Variants in FSHR observed in about 807,000 individuals in gnomAD.
The protein encoded by FSHR is follicle-stimulating hormone receptor.
In FSHR, 46 loss-of-function variants were observed where a neutral mutation model predicts 52.1. The observed-to-expected ratio is 0.88, with a 90% confidence interval of 0.70 to 1.13. FSHR has a LOEUF of 1.13. Among genes scored for constraint, FSHR ranks in the 50% most tolerant of loss-of-function variants. The probability of loss-of-function intolerance (pLI) is 0.00; values close to 1 mark genes in which losing one functional copy is unlikely to be tolerated. For synonymous variants in FSHR, 399 were observed against 309.6 expected (o/e 1.29, Z -3.03); for missense variants, 964 against 834.6 (o/e 1.16, Z -1.91).
chr2:49,051,378 T>A (rs1668849092), intron 2 of FSHR, among the ~76,000 whole-genome samples: 1 of 152,188 alleles, frequency 6.6e-6, no homozygotes, highest in African/African-American at 2.4e-5. Flanking sequence ...TTTTGGCCAT[T>A]TTAATGGGTA....
chr2:49,024,741 A>G (rs924102530), intron 2 of FSHR, among the ~76,000 whole-genome samples: 5 of 152,098 alleles, frequency 3.3e-5, no homozygotes, highest in Non-Finnish European at 7.3e-5. Context: ...TATCCAAAAT[A>G]TTTCTCCCTA....
chr2:49,063,675 T>A (rs1447809215), intron 2 of FSHR, among the ~76,000 whole-genome samples: 2 of 152,176 alleles, frequency 1.3e-5, no homozygotes, highest in East Asian at 3.9e-4. Context: ...GGGAAGTCTA[T>A]GTGGGAGAGA....
At chr2:49,084,457 C>T (rs189396157) in intron 1 of FSHR, among the ~76,000 whole-genome samples, 37,051 of 151,922 alleles carry the variant, frequency 0.24, 4,695 homozygotes, top group African/African-American at 0.3. Context: ...AGAGCAAACA[C>T]ATTCAAAAGC....
chr2:49,040,240 T>C (rs1047248817), intron 2 of FSHR, among the ~76,000 whole-genome samples: 1 of 152,194 alleles, frequency 6.6e-6, no homozygotes, highest in Non-Finnish European at 1.5e-5. Context: ...GTTTCAGAAG[T>C]GGCCATGGAG....
chr2:48,964,955 G>T (rs1674401848), intron 9 of FSHR, among the ~76,000 whole-genome samples: 1 of 150,812 alleles, frequency 6.6e-6, no homozygotes, highest in South Asian at 2.1e-4. Flanking sequence ...AAGGCTTGTG[G>T]AATGGGAATA....
At chr2:49,153,827 G>T (rs1673147451) in intron 1 of FSHR, among the ~76,000 whole-genome samples, 1 of 152,022 alleles carries the variant, frequency 6.6e-6, no homozygotes, top group African/African-American at 2.4e-5. Context: ...AAACGACAAA[G>T]ACTATGGCCT....
chr2:49,032,809 C>T (rs928055173), intron 2 of FSHR, among the ~76,000 whole-genome samples: 3 of 152,188 alleles, frequency 2.0e-5, no homozygotes, highest in African/African-American at 4.8e-5. Context: ...GTTATGGATC[C>T]TATCCCCAAT....
At chr2:49,031,181 G>T (rs1668087770) in intron 2 of FSHR, among the ~76,000 whole-genome samples, 1 of 152,112 alleles carries the variant, frequency 6.6e-6, no homozygotes. Flanking sequence ...GAGGATGGAG[G>T]GTACTGGCTC....
At chr2:49,018,524 C>A (rs1318221317) in intron 3 of FSHR, among the ~76,000 whole-genome samples, 1 of 152,178 alleles carries the variant, frequency 6.6e-6, no homozygotes, top group Non-Finnish European at 1.5e-5. Context: ...AGATGAAAGA[C>A]CCAAACCACT....
chr2:48,977,435 T>C (rs908177283), intron 8 of FSHR, among the ~76,000 whole-genome samples: 6 of 152,120 alleles, frequency 3.9e-5, no homozygotes, highest in African/African-American at 1.4e-4. Context: ...TGGTGGGTGT[T>C]CAATAAATAG....
intron 1 of FSHR, among the ~76,000 whole-genome samples, chr2:49,119,197 G>A (rs915694632): frequency 6.6e-6 from 1 of 152,194 alleles, no homozygotes; most frequent in African/African-American, 2.4e-5. Flanking sequence ...GAATGTGATA[G>A]TGGGGCAATA....
At chr2:49,002,795 A>T (rs1261877721) in intron 4 of FSHR, among the ~76,000 whole-genome samples, 1 of 152,102 alleles carries the variant, frequency 6.6e-6, no homozygotes, top group East Asian at 1.9e-4. Flanking sequence ...CTTGCTTACA[A>T]GTTCTCACAG....
At chr2:49,055,197 C>T (rs1313242258) in intron 2 of FSHR, among the ~76,000 whole-genome samples, 1 of 151,306 alleles carries the variant, frequency 6.6e-6, no homozygotes, top group Admixed American at 6.6e-5. Context: ...AAAAAAAGAG[C>T]CAAACAGAAA....
intron 1 of FSHR, among the ~76,000 whole-genome samples, chr2:49,070,397 C>G (rs1454360373): frequency 6.6e-6 from 1 of 152,058 alleles, no homozygotes; most frequent in Non-Finnish European, 1.5e-5. Flanking sequence ...GCTCAACACC[C>G]TACCTTAATT....
At chr2:49,078,300 G>A (rs533443761) in intron 1 of FSHR, among the ~76,000 whole-genome samples, 70 of 152,206 alleles carry the variant, frequency 4.6e-4, no homozygotes, top group South Asian at 1.2e-3. Context: ...ATCCGATCTC[G>A]TGAGACTTAT....
At chr2:49,104,205 A>C (rs1372939071) in intron 1 of FSHR, among the ~76,000 whole-genome samples, 1 of 152,108 alleles carries the variant, frequency 6.6e-6, no homozygotes, top group Non-Finnish European at 1.5e-5. Context: ...GTAATCCTTG[A>C]AGCTGGCAAG....
At chr2:49,125,329 T>C (rs931249901) in intron 1 of FSHR, among the ~76,000 whole-genome samples, 6 of 149,880 alleles carry the variant, frequency 4.0e-5, no homozygotes, top group African/African-American at 1.2e-4. Flanking sequence ...AAAAAAAAAA[T>C]CACAAAAAAA....
chr2:49,151,496 A>G (rs984916278), intron 1 of FSHR, among the ~76,000 whole-genome samples: 3 of 152,114 alleles, frequency 2.0e-5, no homozygotes, highest in Admixed American at 6.6e-5. Context: ...GATCATAGGA[A>G]ATTAGCAATC....
At chr2:49,130,917 T>C (rs1672240565) in intron 1 of FSHR, among the ~76,000 whole-genome samples, 1 of 152,164 alleles carries the variant, frequency 6.6e-6, no homozygotes, top group Non-Finnish European at 1.5e-5. Context: ...TACAGCAAAA[T>C]AAACAAAGCC....
Sources: gnomAD v4.1 joint callset for allele counts (sites outside exome capture counted in the v4.1 genomes callset) on GRCh38, gnomAD v4.1.1 for gene constraint, MANE v1.5 for transcripts, NCBI Gene and HGNC (gene_info 2026-07-23, HGNC 2026-07-21) for gene names.